Variants in STK31 observed in about 807,000 individuals in gnomAD.
STK31 encodes serine/threonine-protein kinase 31.
STK31 carries 89 observed loss-of-function variants against 129.7 expected under a neutral mutation model. The observed-to-expected ratio is 0.69, with a 90% CI of 0.58 to 0.82. The LOEUF is 0.82. STK31 is among the 40% of genes least tolerant of loss of function. The pLI is 0.00. For missense variants in STK31, 1,187 were observed against 1,176.4 expected (o/e 1.01, Z -0.13); for synonymous variants, 448 against 395.3 (o/e 1.13, Z -1.58).
chr7:23,737,214 AG>A, intron 8 of STK31, 136 bp downstream of exon 8: 1 of 753,144 alleles, frequency 1.3e-6, no homozygotes, highest in South Asian at 5.7e-5. Flanking sequence ...ATTTGTTTAT[AG>A]GTGAATTTTT....
At chr7:23,725,065 C>A (rs555966869) in intron 4 of STK31, among the ~76,000 whole-genome samples, 2 of 152,158 alleles carry the variant, frequency 1.3e-5, no homozygotes, top group African/African-American at 4.8e-5. Context: ...GCCTAATGGG[C>A]CTTCTCCCCT....
chr7:23,747,496 A>T (rs1476971765), intron 8 of STK31, among the ~76,000 whole-genome samples: 4 of 151,992 alleles, frequency 2.6e-5, no homozygotes, highest in Non-Finnish European at 5.9e-5. Context: ...CAGCCTCCCA[A>T]GCAGCTGGGA....
chr7:23,715,855 C>CAT (rs1329715702), intron 3 of STK31, among the ~76,000 whole-genome samples: 6 of 151,866 alleles, frequency 4.0e-5, no homozygotes, highest in Middle Eastern at 3.4e-3. Flanking sequence ...TTCTTTAGAA[C>CAT]ATATATATAT....
intron 15 of STK31, among the ~76,000 whole-genome samples, chr7:23,775,464 T>A (rs1379539439): frequency 2.0e-5 from 3 of 152,210 alleles, no homozygotes; most frequent in Admixed American, 6.5e-5. Flanking sequence ...TCCATGAGCA[T>A]GAAAATTTTT....
In STK31 at chr7:23,738,056, T is replaced by G. The variant is rs1787822758; in HGVS notation, c.1017+978T>G. On this transcript the variant is annotated intron_variant, in intron 8 of 23. Coordinates refer to ENST00000355870, the MANE Select transcript of STK31 (RefSeq NM_031414.5). ...TCAGTTCCATAAAGCTGCCTCTACT[T>G]TAGATGCCAGCCACAAATGGGGTCC... Among the ~76,000 whole-genome samples, 4 of 152,248 alleles carry G rather than the reference T, an allele frequency of 2.6e-5. 1 individual carries two copies. The South Asian group carries it at 8.3e-4, about 32-fold the overall frequency.
At chr7:23,739,954 C>T (rs776358445) in intron 8 of STK31, among the ~76,000 whole-genome samples, 5 of 152,114 alleles carry the variant, frequency 3.3e-5, no homozygotes, top group Non-Finnish European at 5.9e-5. Context: ...CTTGGCTATA[C>T]GGGCTCTTTT....
chr7:23,758,903 C>T (rs1165723950), intron 10 of STK31, among the ~76,000 whole-genome samples: 5 of 152,018 alleles, frequency 3.3e-5, no homozygotes, highest in Admixed American at 6.6e-5. Flanking sequence ...ACCCATCTTC[C>T]GCACAAAAAC....
chr7:23,745,966 C>T (rs540923356), intron 8 of STK31, among the ~76,000 whole-genome samples: 12 of 152,236 alleles, frequency 7.9e-5, no homozygotes, highest in Admixed American at 3.3e-4. Context: ...GTTCCTCTGC[C>T]GTAGGGAACA....
intron 22 of STK31, among the ~76,000 whole-genome samples, chr7:23,799,926 A>T (rs1232288539): frequency 6.6e-6 from 1 of 152,228 alleles, no homozygotes; most frequent in Admixed American, 6.5e-5. Flanking sequence ...TGGGCAAAGG[A>T]TATAAACCGA....
chr7:23,787,534 G>A (rs1276366016), intron 20 of STK31, among the ~76,000 whole-genome samples: 2 of 152,038 alleles, frequency 1.3e-5, no homozygotes, highest in African/African-American at 4.8e-5. Context: ...TCCACTTCCT[G>A]TAAGATCAGT....
intron 22 of STK31, among the ~76,000 whole-genome samples, chr7:23,812,722 A>G (rs1398980763): frequency 6.6e-6 from 1 of 151,716 alleles, no homozygotes; most frequent in Non-Finnish European, 1.5e-5. Flanking sequence ...CTGTGTCCAT[A>G]TGCACATTTT....
intron 10 of STK31, chr7:23,754,913 G>T (rs1484444944): frequency 6.4e-6 from 1 of 155,978 alleles, no homozygotes; most frequent in East Asian, 1.9e-4. Flanking sequence ...TGGGCATTTG[G>T]GTTGGTTCCA....
intron 8 of STK31, among the ~76,000 whole-genome samples, chr7:23,745,199 G>C (rs1481884922): frequency 6.6e-6 from 1 of 152,098 alleles, no homozygotes; most frequent in East Asian, 1.9e-4. Context: ...GAGTGTTGAG[G>C]TACCAATGGT....
intron 18 of STK31, 145 bp downstream of exon 18, chr7:23,785,748 T>C: frequency 9.0e-7 from 1 of 1,105,948 alleles, no homozygotes; most frequent in Non-Finnish European, 1.2e-6. Flanking sequence ...TGTAGTTTGG[T>C]TGCCAGAACT....
chr7:23,755,159 C>T (rs1299093893), intron 10 of STK31: 7 of 152,168 alleles, frequency 4.6e-5, no homozygotes, highest in Non-Finnish European at 1.0e-4. Flanking sequence ...TCTCCAGCAT[C>T]TATTGTTTCC....
intron 8 of STK31, 38 bp from the exon 9 acceptor site, chr7:23,752,679 T>G: frequency 7.0e-7 from 1 of 1,420,018 alleles, no homozygotes; most frequent in Non-Finnish European, 9.9e-7. Context: ...CAGTTTCCTA[T>G]TTGGGTCTCA....
At chr7:23,783,695 C>T (rs1392402494) in intron 17 of STK31, 32 bp downstream of exon 17, 1 of 1,515,302 alleles carries the variant, frequency 6.6e-7, no homozygotes, top group East Asian at 2.3e-5. Context: ...AATTACTACT[C>T]TTCAGAGGGT....
intron 4 of STK31, among the ~76,000 whole-genome samples, chr7:23,726,817 G>A (rs1308888074): frequency 6.6e-6 from 1 of 152,052 alleles, no homozygotes; most frequent in African/African-American, 2.4e-5. Context: ...TAGGAAATAT[G>A]AATTCCACTA....
At chr7:23,734,311 C>G (rs1187637527) in intron 6 of STK31, among the ~76,000 whole-genome samples, 2 of 152,170 alleles carry the variant, frequency 1.3e-5, no homozygotes, top group Non-Finnish European at 2.9e-5. Context: ...TAAATTTGAG[C>G]TGTACCTACC....
Sources: gnomAD v4.1 joint callset for allele counts (sites outside exome capture counted in the v4.1 genomes callset) on GRCh38, gnomAD v4.1.1 for gene constraint, MANE v1.5 for transcripts, NCBI Gene and HGNC (gene_info 2026-07-23, HGNC 2026-07-21) for gene names.